Variants in KLHL1 observed in about 807,000 individuals in gnomAD.
The protein encoded by KLHL1 is kelch-like protein 1.
A neutral mutation model predicts 77.7 loss-of-function variants in KLHL1; 47 were observed. That is an observed-to-expected ratio of 0.60 (90% CI 0.48 to 0.77). The LOEUF (loss-of-function observed/expected upper bound fraction) is 0.77. KLHL1 is among the 30% of genes least tolerant of loss of function. The pLI is 0.00. For synonymous variants in KLHL1, 360 were observed against 325.2 expected (o/e 1.11, Z -1.15); for missense variants, 925 against 910.8 (o/e 1.02, Z -0.20).
chr13:69,986,496 A>C (rs1884875819), intron 1 of KLHL1, among the ~76,000 whole-genome samples: 1 of 152,032 alleles, frequency 6.6e-6, no homozygotes, highest in South Asian at 2.1e-4. Context: ...AACTTCAAAC[A>C]TCAAGTGAAT....
At chr13:69,715,058 C>T (rs973852329) in intron 9 of KLHL1, among the ~76,000 whole-genome samples, 1 of 152,276 alleles carries the variant, frequency 6.6e-6, no homozygotes, top group East Asian at 1.9e-4. Flanking sequence ...CACCTCCTTT[C>T]TCTGTCGCTC....
intron 7 of KLHL1, among the ~76,000 whole-genome samples, chr13:69,772,034 C>A (rs1399719143): frequency 6.6e-6 from 1 of 152,098 alleles, no homozygotes; most frequent in Non-Finnish European, 1.5e-5. Context: ...TCACTGCAAC[C>A]TCTGCCTCCT....
chr13:69,791,081 A>T (rs1876852030), intron 7 of KLHL1, among the ~76,000 whole-genome samples: 1 of 152,096 alleles, frequency 6.6e-6, no homozygotes, highest in Non-Finnish European at 1.5e-5. Context: ...AAGAAAAAAT[A>T]ATAATAAATA....
intron 3 of KLHL1, among the ~76,000 whole-genome samples, chr13:69,943,320 T>A (rs1252299554): frequency 2.0e-5 from 3 of 151,850 alleles, no homozygotes; most frequent in Admixed American, 6.6e-5. Flanking sequence ...GGTTAATAGA[T>A]AAAAAAGACT....
chr13:69,867,699 T>C (rs918290742), intron 5 of KLHL1, among the ~76,000 whole-genome samples: 1 of 151,868 alleles, frequency 6.6e-6, no homozygotes, highest in Non-Finnish European at 1.5e-5. Flanking sequence ...GTAAGTATAT[T>C]AAAATATTTT....
At chr13:70,091,622 C>T (rs1225018545) in intron 1 of KLHL1, among the ~76,000 whole-genome samples, 1 of 152,136 alleles carries the variant, frequency 6.6e-6, no homozygotes, top group Non-Finnish European at 1.5e-5. Context: ...TTCTACCTTT[C>T]CTTCAAATCC....
intron 6 of KLHL1, among the ~76,000 whole-genome samples, chr13:69,808,713 T>G (rs1877730746): frequency 6.6e-6 from 1 of 152,110 alleles, no homozygotes; most frequent in Admixed American, 6.6e-5. Context: ...CAATGGATCC[T>G]AACCAGAATG....
intron 1 of KLHL1, among the ~76,000 whole-genome samples, chr13:70,035,415 C>A (rs1336836315): frequency 6.6e-6 from 1 of 151,550 alleles, no homozygotes; most frequent in East Asian, 1.9e-4. Context: ...GAGAGTAGAA[C>A]AATGGTTTCC....
Position 69,789,308 on chromosome 13 carries a change from A to AGAAT in KLHL1, c.1639+7429_1639+7430insATTC, listed in dbSNP as rs1397537149. ...TTTTATTTTGTATGGGTAACTTGAC[A>AGAAT]AAATAAGTCTTATTTAATAAATTAA... is the stretch of plus-strand genomic sequence containing the variant. On this transcript the variant is annotated intron_variant, in intron 7 of 10. Coordinates refer to ENST00000377844, the MANE Select transcript of KLHL1 (RefSeq NM_020866.3). Among the ~76,000 whole-genome samples, 11 of 151,508 alleles carry AGAAT rather than the reference A, an allele frequency of 7.3e-5. No homozygotes were observed. The East Asian group carries it at 1.9e-3, about 27-fold the overall frequency.
chr13:70,038,581 A>ATTTTTTTTTTTTTTTTTTTTTTTTTTTT (rs55885952), intron 1 of KLHL1, among the ~76,000 whole-genome samples: 1 of 73,030 alleles, frequency 1.4e-5, no homozygotes, highest in Admixed American at 2.1e-4. Context: ...ATTGTCATTA[A>ATTTTTTTTTTTTTTTTTTTTTTTTTTTT]TTTTTTTTTT....
At chr13:69,799,566 A>T (rs897609381) in intron 6 of KLHL1, among the ~76,000 whole-genome samples, 4 of 152,120 alleles carry the variant, frequency 2.6e-5, no homozygotes. Context: ...TTCCATCTTC[A>T]TTTTTCAAAT....
intron 4 of KLHL1, among the ~76,000 whole-genome samples, chr13:69,939,363 A>ACATAC (rs1361844714): frequency 2.1e-5 from 2 of 96,296 alleles, no homozygotes; most frequent in African/African-American, 8.3e-5. Flanking sequence ...ATATATATAT[A>ACATAC]TATATATATA....
chr13:69,747,849 T>C (rs1198219186), intron 7 of KLHL1, among the ~76,000 whole-genome samples: 1 of 151,972 alleles, frequency 6.6e-6, no homozygotes, highest in Non-Finnish European at 1.5e-5. Flanking sequence ...GTGAAAATAT[T>C]GTAATCTAGC....
intron 1 of KLHL1, among the ~76,000 whole-genome samples, chr13:70,039,235 AT>A (rs1339748309): frequency 1.3e-5 from 2 of 150,088 alleles, no homozygotes; most frequent in Non-Finnish European, 3.0e-5. Context: ...TGCCCAGCTA[AT>A]TTTTTGTTTG....
At chr13:69,764,700 T>C (rs1208294336) in intron 7 of KLHL1, among the ~76,000 whole-genome samples, 1 of 151,988 alleles carries the variant, frequency 6.6e-6, no homozygotes, top group East Asian at 1.9e-4. Context: ...TCAGCATCAT[T>C]TGGGAACATT....
intron 1 of KLHL1, among the ~76,000 whole-genome samples, chr13:70,078,372 C>T (rs1246553141): frequency 6.6e-6 from 1 of 151,908 alleles, no homozygotes; most frequent in Non-Finnish European, 1.5e-5. Context: ...TAATGATGTT[C>T]AAAGACTTAT....
chr13:69,816,313 T>C (rs1593857294), intron 6 of KLHL1, among the ~76,000 whole-genome samples: 2 of 150,100 alleles, frequency 1.3e-5, no homozygotes, highest in Non-Finnish European at 1.5e-5. Context: ...CAGGCTGGAG[T>C]GCAGTAGCAC....
At chr13:70,016,538 C>A (rs909673872) in intron 1 of KLHL1, among the ~76,000 whole-genome samples, 3 of 152,202 alleles carry the variant, frequency 2.0e-5, no homozygotes, top group Non-Finnish European at 4.4e-5. Context: ...CACAACCCTG[C>A]CAGGTGTGCC....
At chr13:69,920,381 T>C (rs1379875437) in intron 4 of KLHL1, among the ~76,000 whole-genome samples, 1 of 152,144 alleles carries the variant, frequency 6.6e-6, no homozygotes, top group Non-Finnish European at 1.5e-5. Context: ...CACAGTGCTA[T>C]TTTAAGAAAT....
Sources: allele counts gnomAD v4.1 joint callset (sites outside exome capture counted in the v4.1 genomes callset), GRCh38; gene constraint gnomAD v4.1.1; transcripts MANE v1.5; gene names NCBI Gene and HGNC (gene_info 2026-07-23, HGNC 2026-07-21).